The following OPLAH variants were observed in gnomAD, a reference collection of about 807,000 sequenced individuals.
OPLAH encodes the protein 5-oxoprolinase.
Under a neutral mutation model 122.8 loss-of-function variants are expected in OPLAH, and 103 were observed. The observed-to-expected ratio is 0.84, with a 90% CI of 0.71 to 0.99. The LOEUF (loss-of-function observed/expected upper bound fraction) is 0.99. Among genes scored for constraint, OPLAH ranks in the 50% least tolerant of loss-of-function variants. OPLAH has a pLI of 0.00. For missense variants in OPLAH, 1,902 were observed against 1,836.5 expected, an observed-to-expected ratio of 1.04 and a Z score of -0.65; for synonymous variants, 875 against 796.0, an observed-to-expected ratio of 1.10 and a Z score of -1.67.
upstream of OPLAH, among the ~76,000 whole-genome samples, chr8:144,061,856 C>G (rs1835669263): frequency 1.3e-5 from 2 of 152,018 alleles, no homozygotes; most frequent in African/African-American, 4.8e-5. Context: ...TCTGTCTCTA[C>G]TAAAAATACA....
Position 144,053,132 on chromosome 8 carries a change from G to A in OPLAH, c.2872-3C>T, listed in dbSNP as rs1554758138. 1.2e-6 allele frequency: 2 copies of A among 1,607,394 alleles called. No homozygotes were observed. The highest frequency in any genetic ancestry group is 4.5e-5 in the East Asian group (2 of 44,534). On this transcript the variant is annotated splice_polypyrimidine_tract_variant and splice_region_variant and intron_variant, in intron 20 of 26. Transcript: ENST00000618853. ...CGCACGGCCAGCTCAGCGTTTGCCT[G>A]GCAGGGAGCAGGATCAGTGGTGGCC...
Position 144,058,609 on chromosome 8 carries a change from G to T in OPLAH, c.670C>A (p.Pro224Thr). 1 of 1,603,314 alleles carries T rather than the reference G, an allele frequency of 6.2e-7. No homozygotes were observed. Reference protein sequence around the residue: ...THVSLSSEAMPMVRIVPRGHT... With the variant: ...THVSLSSEAMTMVRIVPRGHT... ...CCCCGAGGGACGATGCGCACCATGGGCATGGCCTCCGAGGACAGTGACACG... is the reference window on the plus strand; with the variant it reads ...CCCCGAGGGACGATGCGCACCATGGTCATGGCCTCCGAGGACAGTGACACG... Residue 224 changes from proline (P) to threonine (T), a missense_variant, in exon 6 of 27, where the codon CCC becomes ACC. This residue lies in a region of OPLAH where 1,726 missense variants were observed against 1,642.1 expected (regional missense o/e 1.05). Coordinates refer to ENST00000618853, the MANE Select transcript of OPLAH (RefSeq NM_017570.5).
chr8:144,054,973 GGGGGGGGTGGA>G, intron 17 of OPLAH, 45 bp downstream of exon 17: 1 of 1,095,166 alleles, frequency 9.1e-7, no homozygotes, highest in Non-Finnish European at 1.3e-6. Flanking sequence ...AGCGGGGTGG[GGGGGGGGTGGA>G]GGGTGAGGGA....
chr8:144,051,436 A>G lies in OPLAH; in HGVS notation c.3757T>C (p.Tyr1253His). The change falls in exon 27 of 27, where the codon TAT becomes CAT. Residue 1253 changes from tyrosine (Y) to histidine (H), a missense_variant. Physicochemically the swap from Tyr to His is moderately conservative, Grantham distance 83. Around this residue, in one of 3 missense-constraint regions of OPLAH, gnomAD observed 1,726 missense variants for 1,642.1 expected, o/e 1.05. Coordinates refer to ENST00000618853, the MANE Select transcript of OPLAH (RefSeq NM_017570.5). ...GGGGCGGGGTCCTCCGGGTCCCCATAGCCACCGCCGCCGGGCGTGTGGAGA... is the reference window on the plus strand; with the variant it reads ...GGGGCGGGGTCCTCCGGGTCCCCATGGCCACCGCCGCCGGGCGTGTGGAGA... ...FCLHTPGGGG[Y>H]GDPEDPAPPP... 2 of 1,366,284 alleles carry G rather than the reference A, an allele frequency of 1.5e-6. No homozygotes were observed. The highest frequency in any genetic ancestry group is 1.9e-6 in the Non-Finnish European group (2 of 1,038,762). 84.6% of individuals were successfully genotyped at this position (1,366,284 alleles called of 1,614,324 possible).
Position 144,059,680 on chromosome 8 carries a change from C to T in OPLAH, c.282G>A (p.Glu94=). The T allele has an allele frequency of 6.2e-7, 1 of 1,612,482 alleles. No individual in the cohort carries two copies. Among genetic ancestry groups the T allele is most frequent in the Non-Finnish European group, 8.5e-7 (1 of 1,179,826 alleles). ...ATNALLERKG[E]RVALLVTRGF... ...CACGTGTCACCAGCAGCGCCACCCGCTCCCCCTTCCGCTCCAGCAGTGCGT... is the reference window on the plus strand; with the variant it reads ...CACGTGTCACCAGCAGCGCCACCCGTTCCCCCTTCCGCTCCAGCAGTGCGT... Residue 94 remains glutamate, a synonymous_variant, in exon 3 of 27, where the codon GAG becomes GAA. Transcript: ENST00000618853.
chr8:144,058,383 G>C lies in OPLAH; in HGVS notation c.805C>G (p.Arg269Gly). The change falls in exon 7 of 27, where the codon CGC becomes GGC. Residue 269 changes from arginine to glycine, a missense_variant. Physicochemically the swap from Arg to Gly is moderately radical, Grantham distance 125 (BLOSUM62 -2). This residue lies in a region of OPLAH where 1,726 missense variants were observed against 1,642.1 expected (regional missense o/e 1.05). Coordinates refer to ENST00000618853, the MANE Select transcript of OPLAH (RefSeq NM_017570.5). ...QLKDVQVLFM[R>G]SDGGLAPMDT... Reference sequence around the variant, plus strand: ...ATGGGCGCCAGGCCGCCATCGGAGCGCATGAACAACACCTGCACATCCTGC... The same window carrying C: ...ATGGGCGCCAGGCCGCCATCGGAGCCCATGAACAACACCTGCACATCCTGC... 2 of 1,592,744 alleles carry C rather than the reference G, an allele frequency of 1.3e-6. No individual in the cohort carries two copies. Among genetic ancestry groups the C allele is most frequent in the South Asian group, 1.1e-5 (1 of 89,636 alleles).
At chr8:144,051,497 A>AG (rs1835375536) in intron 26 of OPLAH, 25 bp from the exon 27 acceptor site, 3 of 823,456 alleles carry the variant, frequency 3.6e-6, no homozygotes, top group African/African-American at 3.5e-5. Flanking sequence ...GGGGGCGGGG[A>AG]GGCGGGCTCA....
At chr8:144,051,588 G>C (rs1835377178) in intron 26 of OPLAH, 116 bp from the exon 27 acceptor site, 1 of 1,175,018 alleles carries the variant, frequency 8.5e-7, no homozygotes, top group Non-Finnish European at 1.2e-6. Flanking sequence ...CATGGACCAC[G>C]GAGGCCCGGT....
chr8:144,056,822 G>A (rs528278782), intron 12 of OPLAH, 67 bp from the exon 13 acceptor site: 146 of 1,413,978 alleles, frequency 1.0e-4, no homozygotes, highest in East Asian at 4.4e-4. Flanking sequence ...CCCAGCGCCC[G>A]GCAAGGACAC....
chr8:144,051,152 G>T, downstream of OPLAH: 4 of 1,427,518 alleles, frequency 2.8e-6, no homozygotes, highest in Non-Finnish European at 3.6e-6. Context: ...CCCTGGAGGG[G>T]CTCACGGACC....
chr8:144,052,552 A>T lies in OPLAH; in HGVS notation c.3200T>A (p.Leu1067Gln). 5 of 1,596,572 alleles carry T rather than the reference A, an allele frequency of 3.1e-6. No homozygotes were observed. Among genetic ancestry groups the T allele is most frequent in the Non-Finnish European group, 4.2e-6 (5 of 1,177,510 alleles). The part of the protein sequence containing the change: ...VRVVIPRGSI[L>Q]DPSPEAAVVG... ...CACCGCCGCCTCGGGCGACGGGTCC[A>T]GGATGGAGCCTCGGGGAATGACCAC... Residue 1067 changes from leucine to glutamine, a missense_variant, in exon 23 of 27, where the codon CTG becomes CAG. Leu to Gln is a moderately radical substitution (Grantham distance 113). Around this residue, in one of 3 missense-constraint regions of OPLAH, gnomAD observed 1,726 missense variants for 1,642.1 expected, o/e 1.05. Transcript: ENST00000618853.
Position 144,055,773 on chromosome 8 carries a change from G to A in OPLAH, c.2248+15C>T. The A allele has an allele frequency of 2.7e-6, 4 of 1,496,208 alleles. No individual in the cohort carries two copies. Among genetic ancestry groups the A allele is most frequent in the Non-Finnish European group, 2.7e-6 (3 of 1,115,326 alleles). The allele number at this position is 1,496,208 out of a possible 1,614,324, so 92.7% of individuals were successfully genotyped here. A position where few individuals can be genotyped will look rare whatever the true frequency, so the allele number is the denominator to read the frequency against. The stretch of plus-strand genomic sequence containing the variant: ...GGCGCCTCATCCCACAGGGAGCCTG[G>A]CAGCGGCCACTCACCAGCAATGCTC... On this transcript the variant is annotated intron_variant, in intron 16 of 26. Coordinates refer to ENST00000618853, the MANE Select transcript of OPLAH (RefSeq NM_017570.5). The surrounding 1 kb of genome is among the most constrained non-coding windows in gnomAD (Gnocchi z 6.5).
downstream of OPLAH, chr8:144,050,487 G>A: frequency 1.0e-6 from 1 of 985,574 alleles, no homozygotes; most frequent in Non-Finnish European, 1.2e-6. Flanking sequence ...GCGAGGAGGG[G>A]CGGAGCCAGG....
chr8:144,052,080 C>T lies in OPLAH; in HGVS notation c.3462-4G>A, dbSNP rs376545521. ...GCGGCGCAGGATGACCGGGTACCTG[C>T]GAGGGCGAGGACGAGGGCAAAGACT... On this transcript the variant is annotated splice_polypyrimidine_tract_variant and splice_region_variant and intron_variant, in intron 24 of 26. Transcript: ENST00000618853. 136 of 1,578,908 alleles carry T rather than the reference C, an allele frequency of 8.6e-5. 1 individual carries two copies. In the African/African-American group the frequency reaches 1.4e-3, roughly 16 times the overall value.
rs782555488 is a variant in OPLAH, at chr8:144,053,124, G to A, written c.2877C>T (p.Asn959=). 14 of 1,607,048 alleles carry A rather than the reference G, an allele frequency of 8.7e-6. No homozygotes were observed. The highest frequency in any genetic ancestry group is 3.4e-5 in the Admixed American group (2 of 59,054). The change falls in exon 21 of 27, where the codon AAC becomes AAT. Residue 959 remains asparagine (N), a synonymous_variant. Coordinates refer to ENST00000618853, the MANE Select transcript of OPLAH (RefSeq NM_017570.5). ...ACATGTCTCGCACGGCCAGCTCAGC[G>A]TTTGCCTGGCAGGGAGCAGGATCAG... is the stretch of plus-strand genomic sequence containing the variant. ...VQAYMGHIQA[N]AELAVRDMLR... is the part of the protein sequence containing the mutation.
chr8:144,059,984 T>C lies in OPLAH; in HGVS notation c.49A>G (p.Thr17Ala). Residue 17 changes from threonine to alanine, a missense_variant, in exon 2 of 27, where the codon ACC (threonine) becomes GCC (alanine). Around this residue, in one of 3 missense-constraint regions of OPLAH, gnomAD observed 168 missense variants for 170.6 expected, o/e 0.98. Coordinates refer to ENST00000618853, the MANE Select transcript of OPLAH (RefSeq NM_017570.5). ...RFHFAIDRGG[T>A]FTDVFAQCPG... ...CACTGGGCAAAGACGTCTGTGAAGGTACCCCCACGGTCGATGGCAAAGTGG... is the reference window on the plus strand; with the variant it reads ...CACTGGGCAAAGACGTCTGTGAAGGCACCCCCACGGTCGATGGCAAAGTGG... 6.2e-7 allele frequency: 1 copy of C among 1,612,726 alleles called. No individual in the cohort carries two copies. The highest frequency in any genetic ancestry group is 2.2e-5 in the East Asian group (1 of 44,884).
intron 10 of OPLAH, 37 bp downstream of exon 10, chr8:144,057,411 G>T: frequency 1.3e-6 from 2 of 1,590,142 alleles, no homozygotes; most frequent in Non-Finnish European, 1.7e-6. Flanking sequence ...GAGCAGGGCT[G>T]GGGGCAGGAC....
In OPLAH at chr8:144,051,485, G is replaced by T. The variant is rs782765595; in HGVS notation, c.3721-13C>A. The T allele has an allele frequency of 4.8e-6, 7 of 1,473,314 alleles. No individual in the cohort carries two copies. The Admixed American group carries it at 9.1e-5, about 19-fold the overall frequency. The allele number at this position is 1,473,314 out of a possible 1,614,324, so 91.3% of individuals were successfully genotyped here. A position where few individuals can be genotyped will look rare whatever the true frequency, so the allele number is the denominator to read the frequency against. ...GACAGAACACATCCTGTTGGCGCGG[G>T]GGGGGGCGGGGAGGCGGGCTCAGTG... is the stretch of plus-strand genomic sequence containing the variant. On this transcript the variant is annotated splice_polypyrimidine_tract_variant and intron_variant, in intron 26 of 26. Coordinates refer to ENST00000618853, the MANE Select transcript of OPLAH (RefSeq NM_017570.5).
upstream of OPLAH, among the ~76,000 whole-genome samples, chr8:144,062,038 T>A (rs1439074567): frequency 5.7e-4 from 83 of 144,974 alleles, no homozygotes; most frequent in East Asian, 2.8e-3. Flanking sequence ...AAAAAAAAAA[T>A]GGGCAACCAG....
Sources: allele counts gnomAD v4.1 joint callset (sites outside exome capture counted in the v4.1 genomes callset), GRCh38; gene constraint gnomAD v4.1.1; regional missense constraint gnomAD v4.1.1; non-coding constraint Gnocchi (gnomAD v3.1); transcripts MANE v1.5; gene names NCBI Gene and HGNC (gene_info 2026-07-23, HGNC 2026-07-21).